Variants in CNTN5 observed in about 807,000 individuals in gnomAD.
CNTN5 encodes the protein contactin-5.
CNTN5 carries 77 observed loss-of-function variants against 129.1 expected under a neutral mutation model. The ratio of observed to expected loss-of-function variants is 0.60; its 90% CI spans 0.50 to 0.72. The LOEUF is 0.72. Ranked by LOEUF, CNTN5 falls within the 30% of genes least tolerant of loss-of-function variation. The pLI, the probability that CNTN5 is intolerant of heterozygous loss-of-function variation, is 0.00. For synonymous variants in CNTN5, 509 were observed against 465.6 expected (o/e 1.09, Z -1.20); for missense variants, 1,478 against 1,328.8 (o/e 1.11, Z -1.75).
At chr11:99,941,296 A>T (rs545181376) in intron 7 of CNTN5, among the ~76,000 whole-genome samples, 2 of 152,174 alleles carry the variant, frequency 1.3e-5, no homozygotes, top group African/African-American at 4.8e-5. Context: ...CATTTTAATT[A>T]TTTTATTTAT....
intron 9 of CNTN5, among the ~76,000 whole-genome samples, chr11:100,037,017 T>C (rs1942056545): frequency 1.3e-5 from 2 of 151,846 alleles, no homozygotes; most frequent in African/African-American, 2.4e-5. Flanking sequence ...TGAATAGGAG[T>C]GGTGAGAGAG....
chr11:100,321,410 T>C (rs1381666381), intron 21 of CNTN5, among the ~76,000 whole-genome samples: 1 of 152,068 alleles, frequency 6.6e-6, no homozygotes, highest in African/African-American at 2.4e-5. Flanking sequence ...TTTTTTATCT[T>C]GTAATTTTCA....
At chr11:100,145,048 C>CT (rs1016975039) in intron 13 of CNTN5, among the ~76,000 whole-genome samples, 5 of 127,232 alleles carry the variant, frequency 3.9e-5, no homozygotes, top group African/African-American at 1.3e-4. Flanking sequence ...TAAATTCTGT[C>CT]TTTTTTAACT....
intron 1 of CNTN5, among the ~76,000 whole-genome samples, chr11:99,282,953 T>C (rs571678256): frequency 5.1e-4 from 77 of 152,146 alleles, no homozygotes; most frequent in African/African-American, 1.8e-3. Flanking sequence ...CATTTTTTTT[T>C]CCTAAAATGT....
chr11:99,842,632 T>G (rs1947547627), intron 4 of CNTN5, among the ~76,000 whole-genome samples: 1 of 152,166 alleles, frequency 6.6e-6, no homozygotes, highest in African/African-American at 2.4e-5. Flanking sequence ...AATGTTTAAG[T>G]CATAGTTTTA....
chr11:100,075,626 T>C (rs1944096194), intron 13 of CNTN5, among the ~76,000 whole-genome samples: 1 of 152,280 alleles, frequency 6.6e-6, no homozygotes, highest in Admixed American at 6.5e-5. Flanking sequence ...CCAAGGCCTA[T>C]GTGTTCAGAT....
At chr11:99,633,207 C>T (rs1035000929) in intron 3 of CNTN5, among the ~76,000 whole-genome samples, 2 of 152,074 alleles carry the variant, frequency 1.3e-5, no homozygotes, top group Non-Finnish European at 2.9e-5. Flanking sequence ...ATAAACCTGA[C>T]AAGAATAGAC....
At chr11:99,561,589 C>A (rs1948844462) in intron 3 of CNTN5, among the ~76,000 whole-genome samples, 1 of 152,026 alleles carries the variant, frequency 6.6e-6, no homozygotes, top group African/African-American at 2.4e-5. Flanking sequence ...GTGGAGAAAA[C>A]TGGTAAACAT....
chr11:99,743,832 A>T (rs1042694286), intron 3 of CNTN5, among the ~76,000 whole-genome samples: 2 of 152,216 alleles, frequency 1.3e-5, no homozygotes, highest in African/African-American at 4.8e-5. Flanking sequence ...AATATAGATA[A>T]GTATTAAGGT....
intron 1 of CNTN5, among the ~76,000 whole-genome samples, chr11:99,275,769 G>A (rs185688862): frequency 1.9e-4 from 29 of 151,734 alleles, no homozygotes; most frequent in African/African-American, 7.0e-4. Flanking sequence ...AATGAGCAAG[G>A]AACTAAGATA....
chr11:99,658,596 G>C (rs932501639), intron 3 of CNTN5, among the ~76,000 whole-genome samples: 2 of 151,870 alleles, frequency 1.3e-5, no homozygotes, highest in African/African-American at 4.8e-5. Flanking sequence ...AGTGGGCCTA[G>C]CGCAGAGGCT....
chr11:99,704,928 T>C (rs1954690239), intron 3 of CNTN5, among the ~76,000 whole-genome samples: 1 of 151,364 alleles, frequency 6.6e-6, no homozygotes, highest in South Asian at 2.1e-4. Context: ...TTCTTCGTTA[T>C]AGAGCATCTG....
At chr11:100,185,006 C>T (rs539187114) in intron 13 of CNTN5, among the ~76,000 whole-genome samples, 27 of 145,170 alleles carry the variant, frequency 1.9e-4, no homozygotes, top group East Asian at 2.0e-4. Context: ...CCCACCTTGG[C>T]GCTCTCTCTC....
chr11:100,128,946 A>G lies in CNTN5; in HGVS notation c.1580+54652A>G, dbSNP rs563565679. ...CATCATGCATTAGTGTTCTGCAATT[A>G]TACATTATATCACTCGCTACTATTT... On this transcript the variant is annotated intron_variant, in intron 13 of 24. Transcript: ENST00000524871. Among the ~76,000 whole-genome samples the G allele has an allele frequency of 3.9e-5, 6 of 152,274 alleles. No individual in the cohort carries two copies. In the South Asian group the frequency reaches 1.2e-3, roughly 32 times the overall value.
chr11:100,058,458 C>A (rs1176981890), intron 9 of CNTN5, among the ~76,000 whole-genome samples: 1 of 152,012 alleles, frequency 6.6e-6, no homozygotes, highest in African/African-American at 2.4e-5. Flanking sequence ...TCACAAACAA[C>A]CTTAATAAGC....
chr11:99,306,632 G>A (rs1041438536), intron 1 of CNTN5, among the ~76,000 whole-genome samples: 1 of 151,600 alleles, frequency 6.6e-6, no homozygotes, highest in African/African-American at 2.4e-5. Flanking sequence ...AATTCAGGAG[G>A]CTGAGGCAGG....
intron 2 of CNTN5, among the ~76,000 whole-genome samples, chr11:99,515,348 C>A (rs1021280432): frequency 1.3e-5 from 2 of 151,976 alleles, no homozygotes; most frequent in African/African-American, 4.8e-5. Context: ...GCTGAAATTC[C>A]TGCTAGAGAA....
intron 7 of CNTN5, among the ~76,000 whole-genome samples, chr11:99,950,034 T>TA (rs1393898352): frequency 3.3e-5 from 5 of 152,302 alleles, no homozygotes; most frequent in East Asian, 3.9e-4. Flanking sequence ...CTCCAAAGCA[T>TA]AAAAAAGAGA....
At chr11:99,672,148 C>T (rs1423036023) in intron 3 of CNTN5, among the ~76,000 whole-genome samples, 2 of 152,098 alleles carry the variant, frequency 1.3e-5, no homozygotes, top group African/African-American at 2.4e-5. Flanking sequence ...ATTGTAATTT[C>T]ACCCTCTTCG....
Sources: gnomAD v4.1 joint callset for allele counts (sites outside exome capture counted in the v4.1 genomes callset) on GRCh38, gnomAD v4.1.1 for gene constraint, MANE v1.5 for transcripts, NCBI Gene and HGNC (gene_info 2026-07-23, HGNC 2026-07-21) for gene names.